Variants in SCHIP1 observed in about 807,000 individuals in gnomAD.
SCHIP1 encodes the protein schwannomin-interacting protein 1.
In SCHIP1, 8 loss-of-function variants were observed where a neutral mutation model predicts 29.7. The ratio of observed to expected loss-of-function variants is 0.27; its 90% CI spans 0.16 to 0.49. The LOEUF is 0.49. Ranked by LOEUF, SCHIP1 falls within the 20% of genes least tolerant of loss-of-function variation. The probability of loss-of-function intolerance (pLI) is 0.99; values close to 1 mark genes in which losing one functional copy is unlikely to be tolerated. For missense variants in SCHIP1, 193 were observed against 294.6 expected (o/e 0.66, Z 2.52); for synonymous variants, 76 against 94.9 (o/e 0.80, Z 1.16).
the SCHIP1 span, among the ~76,000 whole-genome samples, chr3:159,726,166 C>T: frequency 2.0e-5 from 3 of 152,014 alleles, no homozygotes; most frequent in African/African-American, 7.2e-5. Context: ...AGATATTGAA[C>T]AAAAATGTTG....
chr3:159,576,411 T>C, the SCHIP1 span, among the ~76,000 whole-genome samples: 3 of 152,234 alleles, frequency 2.0e-5, no homozygotes, highest in Non-Finnish European at 4.4e-5. Flanking sequence ...CTTTTCTCTG[T>C]GGCTGCTCTT....
the SCHIP1 span, among the ~76,000 whole-genome samples, chr3:159,405,132 C>T: frequency 7.9e-5 from 12 of 152,152 alleles, no homozygotes; most frequent in Non-Finnish European, 1.6e-4. Context: ...CTTAAACACT[C>T]AAGTGTCTTT....
the SCHIP1 span, among the ~76,000 whole-genome samples, chr3:159,662,117 T>C: frequency 3.3e-5 from 5 of 152,090 alleles, no homozygotes. Flanking sequence ...TCCATAACAG[T>C]CTTCCCTGCC....
intron 2 of SCHIP1, among the ~76,000 whole-genome samples, chr3:159,879,492 T>A (rs7651948): frequency 0.28 from 42,544 of 152,078 alleles, 6,114 homozygotes; most frequent in Non-Finnish European, 0.3. Context: ...TGCCTGGCAC[T>A]TAGTAGATGC....
the SCHIP1 span, among the ~76,000 whole-genome samples, chr3:159,808,233 T>C: frequency 1.3e-5 from 2 of 152,240 alleles, no homozygotes; most frequent in Non-Finnish European, 1.5e-5. Flanking sequence ...ATATAAGTAA[T>C]GCTGGTTCTA....
At chr3:159,665,011 G>A in the SCHIP1 span, among the ~76,000 whole-genome samples, 2 of 152,240 alleles carry the variant, frequency 1.3e-5, no homozygotes, top group African/African-American at 4.8e-5. Context: ...AAAACCAGGA[G>A]TGTAGACCGA....
the SCHIP1 span, among the ~76,000 whole-genome samples, chr3:159,283,575 GATCTTGGCGTGA>G: frequency 6.6e-6 from 1 of 151,832 alleles, no homozygotes; most frequent in South Asian, 2.1e-4. Flanking sequence ...AATGGCGCGC[GATCTTGGCGTGA>G]GCCACCGCGC....
At chr3:159,520,017 T>C in the SCHIP1 span, among the ~76,000 whole-genome samples, 1 of 151,240 alleles carries the variant, frequency 6.6e-6, no homozygotes, top group Non-Finnish European at 1.5e-5. Flanking sequence ...AGTACAGAGT[T>C]ATTCACTTGT....
chr3:159,385,719 T>G, the SCHIP1 span, among the ~76,000 whole-genome samples: 2 of 152,188 alleles, frequency 1.3e-5, no homozygotes, highest in African/African-American at 4.8e-5. Context: ...TTTTTAAAAT[T>G]ATACTTTAAG....
chr3:159,837,110 CT>C (rs373782933), upstream of SCHIP1, among the ~76,000 whole-genome samples: 783 of 144,886 alleles, frequency 5.4e-3, 1 homozygote, highest in Non-Finnish European at 8.0e-3. Context: ...CATGTTTAGA[CT>C]TTTTTTTTTT....
At chr3:159,389,870 G>A in the SCHIP1 span, among the ~76,000 whole-genome samples, 5 of 151,766 alleles carry the variant, frequency 3.3e-5, no homozygotes, top group Admixed American at 3.3e-4. Flanking sequence ...AATGGTAGAA[G>A]TTTTAGAAAC....
At chr3:159,887,536 A>T (rs1717083143) in intron 3 of SCHIP1, 172 bp from the exon 5 acceptor site, 1 of 695,468 alleles carries the variant, frequency 1.4e-6, no homozygotes, top group Non-Finnish European at 2.5e-6. Flanking sequence ...TCTATTTTAA[A>T]CTAGACCCTT....
chr3:159,617,177 T>C, the SCHIP1 span, among the ~76,000 whole-genome samples: 1 of 152,184 alleles, frequency 6.6e-6, no homozygotes, highest in Non-Finnish European at 1.5e-5. Flanking sequence ...GCTAGAGATA[T>C]CTGGTAAGCA....
the SCHIP1 span, among the ~76,000 whole-genome samples, chr3:159,328,597 C>T: frequency 6.6e-6 from 1 of 152,070 alleles, no homozygotes; most frequent in Non-Finnish European, 1.5e-5. Flanking sequence ...AGTAGAAGTG[C>T]GAACCAAGAA....
the SCHIP1 span, among the ~76,000 whole-genome samples, chr3:159,474,541 T>A: frequency 6.6e-6 from 1 of 152,134 alleles, no homozygotes; most frequent in Non-Finnish European, 1.5e-5. Flanking sequence ...TCAAAATCTC[T>A]CTAAACGGTA....
At chr3:159,395,206 CTCT>C in the SCHIP1 span, among the ~76,000 whole-genome samples, 9 of 151,674 alleles carry the variant, frequency 5.9e-5, no homozygotes, top group Non-Finnish European at 1.3e-4. Context: ...TGATTCTTCT[CTCT>C]TTTTTTCTTT....
chr3:159,778,011 G>A, the SCHIP1 span, among the ~76,000 whole-genome samples: 1 of 150,888 alleles, frequency 6.6e-6, no homozygotes, highest in African/African-American at 2.4e-5. Context: ...TTGAGATAGA[G>A]TCTCGCTCTG....
the SCHIP1 span, among the ~76,000 whole-genome samples, chr3:159,618,103 A>G: frequency 2.0e-5 from 3 of 152,340 alleles, no homozygotes; most frequent in South Asian, 4.1e-4. Flanking sequence ...CTTATCTTCA[A>G]AATGACCCTG....
the SCHIP1 span, among the ~76,000 whole-genome samples, chr3:159,493,975 A>T: frequency 6.6e-6 from 1 of 152,272 alleles, no homozygotes; most frequent in African/African-American, 2.4e-5. Flanking sequence ...ACTACATGGA[A>T]ACTGAACAAC....
Sources: gnomAD v4.1 joint callset for allele counts (sites outside exome capture counted in the v4.1 genomes callset) on GRCh38, gnomAD v4.1.1 for gene constraint, MANE v1.5 for transcripts, NCBI Gene and HGNC (gene_info 2026-07-23, HGNC 2026-07-21) for gene names.